DNAJC7: variants seen among roughly 807,000 people sequenced by gnomAD.
DNAJC7 encodes the protein dnaJ homolog subfamily C member 7.
In DNAJC7, 18 loss-of-function variants were observed where a neutral mutation model predicts 67.4. That is an observed-to-expected ratio of 0.27 (90% CI 0.18 to 0.40). DNAJC7 has a LOEUF of 0.40. Among genes scored for constraint, DNAJC7 ranks in the 10% least tolerant of loss-of-function variants. The pLI is 1.00. For missense variants in DNAJC7, 419 were observed against 613.8 expected (o/e 0.68, Z 3.35); for synonymous variants, 220 against 207.8 (o/e 1.06, Z -0.50).
At chr17:41,998,558 G>A (rs545476983) in intron 2 of DNAJC7, among the ~76,000 whole-genome samples, 103 of 152,286 alleles carry the variant, frequency 6.8e-4, no homozygotes, top group African/African-American at 1.8e-3. Flanking sequence ...ACAAAACAAG[G>A]TACGGCTTTG....
At chr17:41,976,982 A>G (rs1170800422) in intron 13 of DNAJC7, 13 of 654,852 alleles carry the variant, frequency 2.0e-5, no homozygotes, top group Middle Eastern at 4.1e-4. Flanking sequence ...CATTATCTAT[A>G]TAGTACCTTT....
intron 1 of DNAJC7, among the ~76,000 whole-genome samples, chr17:42,012,535 T>C (rs1450931862): frequency 2.0e-5 from 3 of 152,174 alleles, no homozygotes; most frequent in African/African-American, 7.2e-5. Flanking sequence ...AAAGACTCCC[T>C]ATAGAGATCA....
chr17:41,989,269 T>C, intron 7 of DNAJC7, 135 bp downstream of exon 7: 1 of 1,264,710 alleles, frequency 7.9e-7, no homozygotes, highest in East Asian at 2.4e-5. Flanking sequence ...CCATTTCTAA[T>C]AAAGACCAAG....
intron 9 of DNAJC7, among the ~76,000 whole-genome samples, chr17:41,984,005 A>G (rs1245320408): frequency 3.3e-5 from 5 of 152,242 alleles, no homozygotes; most frequent in Non-Finnish European, 5.9e-5. Flanking sequence ...GAGAAAAATT[A>G]TCAAGTGAAT....
chr17:41,996,622 A>G (rs1303911136), intron 3 of DNAJC7, among the ~76,000 whole-genome samples, 198 bp from the exon 4 acceptor site: 2 of 152,170 alleles, frequency 1.3e-5, no homozygotes, highest in East Asian at 1.9e-4. Flanking sequence ...CCTGGCCAAC[A>G]TGACAAAACT....
At chr17:41,996,962 C>T (rs1555648760) in intron 3 of DNAJC7, among the ~76,000 whole-genome samples, 153 bp downstream of exon 3, 1 of 152,154 alleles carries the variant, frequency 6.6e-6, no homozygotes, top group African/African-American at 2.4e-5. Context: ...GTCAGAGATG[C>T]TGCTAAACAA....
chr17:41,995,423 T>C (rs1555648467), intron 4 of DNAJC7, among the ~76,000 whole-genome samples: 1 of 152,192 alleles, frequency 6.6e-6, no homozygotes, highest in East Asian at 1.9e-4. Context: ...CTGAAATGCA[T>C]CTAGGGTAAA....
intron 2 of DNAJC7, 133 bp from the exon 3 acceptor site, chr17:41,997,372 G>A: frequency 9.1e-7 from 1 of 1,094,730 alleles, no homozygotes; most frequent in Non-Finnish European, 1.3e-6. Context: ...GAGACCACTT[G>A]AGGTCAGGAG....
chr17:41,995,698 T>A (rs988669408), intron 4 of DNAJC7, among the ~76,000 whole-genome samples: 4 of 152,186 alleles, frequency 2.6e-5, no homozygotes, highest in African/African-American at 7.2e-5. Flanking sequence ...AATGACAAAA[T>A]CACCTAACAA....
At chr17:41,982,209 C>A (rs555812219) in intron 11 of DNAJC7, 46 bp downstream of exon 11, 1 of 1,610,404 alleles carries the variant, frequency 6.2e-7, no homozygotes, top group South Asian at 1.1e-5. Context: ...AGTTGGCCTG[C>A]CCTGCGGGTT....
chr17:42,015,420 TTA>T (rs1272290760), intron 1 of DNAJC7: 15 of 152,342 alleles, frequency 9.8e-5, no homozygotes, highest in African/African-American at 2.9e-4. Flanking sequence ...TACTCCAATT[TTA>T]TGATAGACTA....
At chr17:41,982,519 G>GTTCTTACTTT (rs1598117814) in intron 10 of DNAJC7, 118 bp from the exon 11 acceptor site, 2 of 1,329,042 alleles carry the variant, frequency 1.5e-6, no homozygotes, top group East Asian at 4.7e-5. Flanking sequence ...GACTTTTACG[G>GTTCTTACTTT]TGCTTTCTTC....
intron 5 of DNAJC7, among the ~76,000 whole-genome samples, chr17:41,991,537 TATTTTATATA>T (rs1185472813): frequency 6.6e-6 from 1 of 152,164 alleles, no homozygotes; most frequent in Non-Finnish European, 1.5e-5. Context: ...CAAGGATCTT[TATTTTATATA>T]AGTACAACAA....
chr17:42,000,583 G>C lies in DNAJC7; in HGVS notation c.78-13C>G. ...AGTCTCTGCTTCCCTGAAAATGAAA[G>C]AGAAAGAGAATCATGTTACTTTACA... On this transcript the variant is annotated splice_polypyrimidine_tract_variant and intron_variant, in intron 1 of 13. Transcript: ENST00000457167. 11 of 1,587,606 alleles carry C rather than the reference G, an allele frequency of 6.9e-6. No individual in the cohort carries two copies. Among genetic ancestry groups the C allele is most frequent in the Non-Finnish European group, 9.5e-6 (11 of 1,160,660 alleles).
At chr17:41,998,984 G>A (rs535353966) in intron 2 of DNAJC7, among the ~76,000 whole-genome samples, 1 of 152,100 alleles carries the variant, frequency 6.6e-6, no homozygotes, top group East Asian at 1.9e-4. Context: ...CCAGGAGTTT[G>A]AGACCAGCCG....
chr17:42,013,268 A>C (rs2052168530), intron 1 of DNAJC7: 1 of 152,216 alleles, frequency 6.6e-6, no homozygotes, highest in African/African-American at 2.4e-5. Context: ...CTGTAAGGGA[A>C]ACAGAACTTT....
At chr17:42,017,145 C>T in intron 1 of DNAJC7, 195 bp downstream of exon 1, 2 of 1,482,106 alleles carry the variant, frequency 1.3e-6, no homozygotes, top group Non-Finnish European at 1.8e-6. Flanking sequence ...CTACGCCAGG[C>T]GGAAGCGGGA....
chr17:41,982,145 C>G, intron 11 of DNAJC7, 110 bp downstream of exon 11: 1 of 1,548,704 alleles, frequency 6.5e-7, no homozygotes, highest in Non-Finnish European at 8.7e-7. Context: ...TCTGCAACAC[C>G]TTATTCTCAG....
Position 41,994,153 on chromosome 17 carries a change from T to C in DNAJC7, c.480+717A>G, listed in dbSNP as rs193121921. Among the ~76,000 whole-genome samples the C allele has an allele frequency of 1.2e-4, 18 of 151,558 alleles. No individual in the cohort carries two copies. The East Asian group carries it at 3.5e-3, about 30-fold the overall frequency. On this transcript the variant is annotated intron_variant, in intron 5 of 13. Transcript: ENST00000457167. ...GAGTTTGAGACCAGCCTGACCAACA[T>C]GGTGAAACCCCATCTCTACTAAAAA... is the stretch of plus-strand genomic sequence containing the variant.
Sources: allele counts gnomAD v4.1 joint callset (sites outside exome capture counted in the v4.1 genomes callset), GRCh38; gene constraint gnomAD v4.1.1; transcripts MANE v1.5; gene names NCBI Gene and HGNC (gene_info 2026-07-23, HGNC 2026-07-21).